The following KIF26B variants were observed in gnomAD, a reference collection of about 807,000 sequenced individuals.
KIF26B encodes the protein kinesin-like protein KIF26B.
Under a neutral mutation model 151.2 loss-of-function variants are expected in KIF26B, and 63 were observed. The observed-to-expected ratio is 0.42, with a 90% confidence interval of 0.34 to 0.51. The LOEUF is 0.51. Ranked by LOEUF, KIF26B falls within the 20% of genes least tolerant of loss-of-function variation. The probability of loss-of-function intolerance (pLI) is 0.07; values close to 1 mark genes in which losing one functional copy is unlikely to be tolerated. For missense variants in KIF26B, 2,813 were observed against 2,913.6 expected, an observed-to-expected ratio of 0.97 and a Z score of 0.79; for synonymous variants, 1,357 against 1,262.1, an observed-to-expected ratio of 1.08 and a Z score of -1.59.
At chr1:245,508,065 T>C (rs958848139) in intron 4 of KIF26B, among the ~76,000 whole-genome samples, 10 of 152,202 alleles carry the variant, frequency 6.6e-5, no homozygotes, top group African/African-American at 1.7e-4. Flanking sequence ...TCAGCTTTTC[T>C]GAGCCATGAT....
intron 5 of KIF26B, among the ~76,000 whole-genome samples, chr1:245,541,354 C>G (rs1343001292): frequency 6.6e-6 from 1 of 152,220 alleles, no homozygotes; most frequent in Non-Finnish European, 1.5e-5. Context: ...GCCTCCTCTT[C>G]AGAGAAATCC....
intron 5 of KIF26B, among the ~76,000 whole-genome samples, chr1:245,562,586 C>G: frequency 6.8e-6 from 1 of 147,252 alleles, no homozygotes; most frequent in South Asian, 2.2e-4. Context: ...TGGCCAAGCC[C>G]CGCCCCCCCC....
rs180966939 is a variant in KIF26B at position 245,266,556 on chromosome 1, G to A, written c.466-100278G>A. Among the ~76,000 whole-genome samples the A allele has an allele frequency of 4.2e-3, 637 of 150,964 alleles. 7 individuals carry two copies. The highest frequency in any genetic ancestry group is 0.014 in the African/African-American group (577 of 41,078). ...TGGAGTCTCATTCTGTCACCCACGC[G>A]GAGTGCAGTGGCGCAATCTTGGCTC... On this transcript the variant is annotated intron_variant, in intron 2 of 14. Transcript: ENST00000407071.
At chr1:245,641,374 T>C (rs2043890601) in intron 9 of KIF26B, among the ~76,000 whole-genome samples, 1 of 152,196 alleles carries the variant, frequency 6.6e-6, no homozygotes, top group Admixed American at 6.5e-5. Flanking sequence ...TATTTATATT[T>C]TTCTCCAGGT....
intron 4 of KIF26B, among the ~76,000 whole-genome samples, chr1:245,420,033 A>T (rs1658440801): frequency 6.6e-6 from 1 of 152,186 alleles, no homozygotes; most frequent in South Asian, 2.1e-4. Flanking sequence ...GTCTGCAGAC[A>T]TTGTGAGAGG....
intron 4 of KIF26B, among the ~76,000 whole-genome samples, chr1:245,480,925 A>G (rs1485882011): frequency 6.6e-6 from 1 of 151,720 alleles, no homozygotes; most frequent in Non-Finnish European, 1.5e-5. Context: ...CAAGATCCAG[A>G]CAGCAGTTCA....
rs1180866802 is a variant in KIF26B at position 245,477,140 on chromosome 1, A to AT, written c.1166+57401dup. On this transcript the variant is annotated intron_variant, in intron 4 of 14. Transcript: ENST00000407071. ...CAAAACTGGAGCTGGTTTCACCCTT[A>AT]TTTTTTAATTATGTGGGATTAGTCA... Among the ~76,000 whole-genome samples the AT allele has an allele frequency of 2.0e-5, 3 of 151,868 alleles. No homozygotes were observed. In the East Asian group the frequency reaches 5.8e-4, roughly 29 times the overall value.
chr1:245,691,545 T>C (rs937199927), intron 12 of KIF26B, among the ~76,000 whole-genome samples: 1 of 152,184 alleles, frequency 6.6e-6, no homozygotes, highest in African/African-American at 2.4e-5. Context: ...AGAGAAACGG[T>C]GGCTGTCAGA....
intron 12 of KIF26B, among the ~76,000 whole-genome samples, chr1:245,692,525 C>G (rs1394340754): frequency 6.6e-6 from 1 of 152,022 alleles, no homozygotes; most frequent in Non-Finnish European, 1.5e-5. Context: ...CTCCCAGCGG[C>G]AAGAGCCTGG....
intron 4 of KIF26B, among the ~76,000 whole-genome samples, chr1:245,478,774 C>T (rs773695532): frequency 5.3e-5 from 8 of 151,624 alleles, no homozygotes; most frequent in Non-Finnish European, 8.9e-5. Context: ...TGTGGGTGAA[C>T]AGTGAGTAGC....
At chr1:245,614,778 G>A (rs1468505329) in intron 9 of KIF26B, 4 of 152,282 alleles carry the variant, frequency 2.6e-5, no homozygotes, top group South Asian at 4.1e-4. Context: ...GAATCTCTCG[G>A]GAGATGTATT....
intron 9 of KIF26B, among the ~76,000 whole-genome samples, chr1:245,641,033 G>A (rs1358132689): frequency 6.6e-6 from 1 of 152,054 alleles, no homozygotes; most frequent in African/African-American, 2.4e-5. Context: ...GGCTAGGTCT[G>A]GTAGTGATAC....
intron 2 of KIF26B, among the ~76,000 whole-genome samples, chr1:245,198,846 T>G (rs2103536698): frequency 8.3e-6 from 1 of 121,064 alleles, no homozygotes; most frequent in East Asian, 2.5e-4. Context: ...AAAGGAAAGA[T>G]GATGCTCTGG....
chr1:245,190,426 G>A (rs1011491259), intron 2 of KIF26B, among the ~76,000 whole-genome samples: 1 of 151,984 alleles, frequency 6.6e-6, no homozygotes, highest in African/African-American at 2.4e-5. Context: ...ATTCTAGATT[G>A]GAGGGTACAG....
At chr1:245,229,336 G>A (rs79233053) in intron 2 of KIF26B, among the ~76,000 whole-genome samples, 3,419 of 152,186 alleles carry the variant, frequency 0.022, 105 homozygotes, top group African/African-American at 0.077. Context: ...GTATTTTTAG[G>A]GGGGTTGCAA....
intron 2 of KIF26B, among the ~76,000 whole-genome samples, chr1:245,280,547 G>T (rs67587596): frequency 0.45 from 49,213 of 109,420 alleles, 11,990 homozygotes; most frequent in African/African-American, 0.6. Context: ...AAAAAGAAAA[G>T]AAATTATTTT....
intron 4 of KIF26B, among the ~76,000 whole-genome samples, chr1:245,506,618 G>T (rs1275902289): frequency 2.0e-5 from 3 of 152,064 alleles, no homozygotes; most frequent in Non-Finnish European, 4.4e-5. Context: ...GGGGTCTATG[G>T]GATCATCAGA....
At chr1:245,681,143 G>A (rs1320876726) in intron 10 of KIF26B, among the ~76,000 whole-genome samples, 1 of 151,834 alleles carries the variant, frequency 6.6e-6, no homozygotes, top group Non-Finnish European at 1.5e-5. Flanking sequence ...GGAAGAGGAA[G>A]CGCACAGGGC....
chr1:245,693,732 C>T (rs1479433323), intron 12 of KIF26B, among the ~76,000 whole-genome samples: 1 of 152,148 alleles, frequency 6.6e-6, no homozygotes, highest in African/African-American at 2.4e-5. Context: ...ACCGAGGGCA[C>T]CATGGTTTGC....
Sources: allele counts gnomAD v4.1 joint callset (sites outside exome capture counted in the v4.1 genomes callset), GRCh38; gene constraint gnomAD v4.1.1; transcripts MANE v1.5; gene names NCBI Gene and HGNC (gene_info 2026-07-23, HGNC 2026-07-21).